DHX32: variants seen among roughly 807,000 people sequenced by gnomAD.
DHX32 encodes the protein DEAH-box helicase 32 (putative).
A neutral mutation model predicts 70.0 loss-of-function variants in DHX32; 51 were observed. The observed-to-expected ratio is 0.73, with a 90% confidence interval of 0.58 to 0.92. DHX32 has a LOEUF of 0.92. Ranked by LOEUF, DHX32 falls within the 40% of genes least tolerant of loss-of-function variation. The pLI is 0.00. For missense variants in DHX32, 762 were observed against 891.8 expected (o/e 0.85, Z 1.85); for synonymous variants, 310 against 315.3 (o/e 0.98, Z 0.18).
Position 125,881,049 on chromosome 10 carries a change from T to C in DHX32, c.-225A>G, listed in dbSNP as rs1944314183. 2.3e-6 allele frequency: 1 copy of C among 430,340 alleles called. No individual in the cohort carries two copies. The highest frequency in any genetic ancestry group is 7.9e-5 in the South Asian group (1 of 12,720). 26.7% of individuals were successfully genotyped at this position (430,340 alleles called of 1,614,324 possible). ...CTCACTACAGCACTCTTCGGCATTG[T>C]AAATGATTGTCAATAAACCACACTA... On this transcript the variant is annotated 5_prime_UTR_variant, in exon 1 of 11. Coordinates refer to ENST00000284690, the MANE Select transcript of DHX32 (RefSeq NM_018180.3).
At chr10:125,871,204 C>A (rs1489623565) in intron 1 of DHX32, among the ~76,000 whole-genome samples, 2 of 152,194 alleles carry the variant, frequency 1.3e-5, no homozygotes, top group Non-Finnish European at 2.9e-5. Context: ...ATTATACATT[C>A]CTGGAAGTAC....
intron 7 of DHX32, 99 bp from the exon 8 acceptor site, chr10:125,841,095 T>G (rs1345416530): frequency 1.4e-6 from 2 of 1,428,642 alleles, no homozygotes; most frequent in Admixed American, 2.1e-5. Flanking sequence ...GTGGCATGGC[T>G]CCTGTCTTGG....
rs749508431 is a variant in DHX32 at position 125,880,811 on chromosome 10, CCTT to C, written c.11_13del (p.Glu4del). The C allele has an allele frequency of 6.2e-6, 10 of 1,611,162 alleles. No individual in the cohort carries two copies. Among genetic ancestry groups the C allele is most frequent in the South Asian group, 1.1e-5 (1 of 90,346 alleles). ...AGAGGAAGAGTTTGGACACTCCAGCCCTTCTTCTTCCATCTTGTCTGACAGTGA... is the reference window on the plus strand; with the variant it reads ...AGAGGAAGAGTTTGGACACTCCAGCCCTTCTTCCATCTTGTCTGACAGTGA... On this transcript the variant is annotated inframe_deletion, in exon 1 of 11. Transcript: ENST00000284690.
intron 1 of DHX32, among the ~76,000 whole-genome samples, chr10:125,892,821 C>A (rs1944379465): frequency 1.3e-5 from 2 of 152,286 alleles, no homozygotes; most frequent in Admixed American, 1.3e-4. Flanking sequence ...GACTATCAGA[C>A]AACCATTGCA....
intron 8 of DHX32, 123 bp from the exon 9 acceptor site, chr10:125,839,311 G>A: frequency 1.1e-6 from 1 of 948,734 alleles, no homozygotes; most frequent in Non-Finnish European, 1.5e-6. Context: ...GGCCACGTAG[G>A]TGAGTGGCAG....
At chr10:125,870,906 G>A (rs1271877676) in intron 1 of DHX32, among the ~76,000 whole-genome samples, 2 of 152,188 alleles carry the variant, frequency 1.3e-5, no homozygotes, top group Non-Finnish European at 2.9e-5. Flanking sequence ...CAGGGGGACA[G>A]TACTATGATG....
intron 2 of DHX32, 138 bp from the exon 3 acceptor site, chr10:125,860,113 T>A: frequency 1.4e-6 from 1 of 718,006 alleles, no homozygotes; most frequent in Non-Finnish European, 2.2e-6. Context: ...AAAATTCCTT[T>A]AAGTTGATAC....
intron 1 of DHX32, among the ~76,000 whole-genome samples, chr10:125,872,718 G>A (rs1944262696): frequency 6.6e-6 from 1 of 152,082 alleles, no homozygotes; most frequent in Admixed American, 6.5e-5. Context: ...CCAGAGCAGT[G>A]GGGCCTGCCC....
upstream of DHX32, among the ~76,000 whole-genome samples, chr10:125,886,230 C>A (rs796146707): frequency 6.6e-6 from 1 of 152,260 alleles, no homozygotes; most frequent in Non-Finnish European, 1.5e-5. Flanking sequence ...AAGGTCGTTA[C>A]CAAATGGCAG....
At chr10:125,887,438 C>G (rs751917940) in intron 1 of DHX32, among the ~76,000 whole-genome samples, 2 of 152,098 alleles carry the variant, frequency 1.3e-5, no homozygotes, top group Non-Finnish European at 2.9e-5. Flanking sequence ...AAGATGAGTT[C>G]AAAGATGAGA....
chr10:125,841,470 AT>A, intron 7 of DHX32: 1 of 1,478,376 alleles, frequency 6.8e-7, no homozygotes, highest in African/African-American at 1.4e-5. Context: ...ATCTGCACTG[AT>A]TATTTCAGCA....
At chr10:125,847,928 G>T in intron 6 of DHX32, among the ~76,000 whole-genome samples, 1 of 152,272 alleles carries the variant, frequency 6.6e-6, no homozygotes, top group Middle Eastern at 3.4e-3. Flanking sequence ...AGTAATGCTC[G>T]CTTGCCCCCC....
intron 1 of DHX32, 101 bp downstream of exon 1, chr10:125,880,442 T>C: frequency 1.6e-6 from 2 of 1,271,882 alleles, no homozygotes; most frequent in Non-Finnish European, 2.1e-6. Flanking sequence ...TTGTTTTTTG[T>C]TTTAGACACT....
chr10:125,849,678 CAT>C (rs1477169953), intron 6 of DHX32, among the ~76,000 whole-genome samples: 2 of 152,186 alleles, frequency 1.3e-5, no homozygotes, highest in Non-Finnish European at 2.9e-5. Context: ...GGGAGGGCCA[CAT>C]GTGAGGGCCG....
At chr10:125,857,926 G>T (rs534174736) in intron 3 of DHX32, among the ~76,000 whole-genome samples, 1 of 146,082 alleles carries the variant, frequency 6.8e-6, no homozygotes, top group South Asian at 2.2e-4. Flanking sequence ...TAGAGACAGG[G>T]TCTTGCTCTG....
At chr10:125,887,877 C>T (rs61870708) in intron 1 of DHX32, among the ~76,000 whole-genome samples, 24 of 152,112 alleles carry the variant, frequency 1.6e-4, no homozygotes, top group Non-Finnish European at 1.2e-4. Context: ...GCACAACAAA[C>T]GTGATTATGA....
chr10:125,836,401 T>C lies in DHX32; in HGVS notation c.*286A>G. 6.6e-7 allele frequency: 1 copy of C among 1,511,058 alleles called. No homozygotes were observed. The highest frequency in any genetic ancestry group is 2.4e-5 in the East Asian group (1 of 41,852). 93.6% of individuals were successfully genotyped at this position (1,511,058 alleles called of 1,614,324 possible). A position where few individuals can be genotyped will look rare whatever the true frequency, so the allele number is the denominator to read the frequency against. ...CTACAAAAAGTAGGGTTCTGTCCCA[T>C]GTGTCTCTGACACATTTACAAAATA... On this transcript the variant is annotated 3_prime_UTR_variant, in exon 11 of 11. Transcript: ENST00000284690.
intron 3 of DHX32, among the ~76,000 whole-genome samples, chr10:125,855,652 G>A (rs1364923382): frequency 1.3e-5 from 2 of 151,904 alleles, no homozygotes; most frequent in Non-Finnish European, 2.9e-5. Flanking sequence ...GGGCTTCACC[G>A]TGTTAGCCAG....
At chr10:125,838,522 A>T (rs1295412749) in intron 9 of DHX32, 135 bp from the exon 10 acceptor site, 1 of 834,406 alleles carries the variant, frequency 1.2e-6, no homozygotes, top group African/African-American at 1.7e-5. Context: ...CATGTTTCCT[A>T]CTTTCACATG....
Sources: allele counts gnomAD v4.1 joint callset (sites outside exome capture counted in the v4.1 genomes callset), GRCh38; gene constraint gnomAD v4.1.1; transcripts MANE v1.5; gene names NCBI Gene and HGNC (gene_info 2026-07-23, HGNC 2026-07-21).